The following DSG2 variants were observed in gnomAD, a reference collection of about 807,000 sequenced individuals.
The protein encoded by DSG2 is desmoglein-2.
DSG2 carries 45 observed loss-of-function variants against 75.6 expected under a neutral mutation model. That is an observed-to-expected ratio of 0.60 (90% CI 0.47 to 0.76). DSG2 has a LOEUF of 0.76. DSG2 is among the 30% of genes least tolerant of loss of function. DSG2 has a pLI of 0.00. For synonymous variants in DSG2, 429 were observed against 483.9 expected (o/e 0.89, Z 1.49); for missense variants, 1,267 against 1,357.4 (o/e 0.93, Z 1.05).
chr18:31,500,843 A>G (rs1400577780), intron 1 of DSG2, among the ~76,000 whole-genome samples: 1 of 152,232 alleles, frequency 6.6e-6, no homozygotes, highest in Admixed American at 6.5e-5. Flanking sequence ...CAAATGGTTC[A>G]CAGATAGAAT....
intron 14 of DSG2, among the ~76,000 whole-genome samples, chr18:31,544,317 A>T (rs2073290147): frequency 6.6e-6 from 1 of 152,196 alleles, no homozygotes; most frequent in Admixed American, 6.5e-5. Flanking sequence ...AAAAAAAATT[A>T]AAACCAGAGA....
chr18:31,518,129 A>G, intron 1 of DSG2, 110 bp from the exon 2 acceptor site: 2 of 898,788 alleles, frequency 2.2e-6, no homozygotes, highest in Non-Finnish European at 3.6e-6. Context: ...AGTAGTGGTT[A>G]AACTTTTTTT....
Position 31,546,239 on chromosome 18 carries a change from G to A in DSG2, c.2853G>A (p.Val951=), listed in dbSNP as rs775759794. 5.3e-5 allele frequency: 86 copies of A among 1,608,918 alleles called. No homozygotes were observed. The highest frequency in any genetic ancestry group is 1.1e-4 in the South Asian group (10 of 90,384). ...GGTCCACTATGCCACCAACCACTGTGATCCTGGGTCCTAGCCAGCCACAGA... is the reference window on the plus strand; with the variant it reads ...GGTCCACTATGCCACCAACCACTGTAATCCTGGGTCCTAGCCAGCCACAGA... ...VTGSTMPPTT[V]ILGPSQPQSL... The change falls in exon 15 of 15, where the codon GTG becomes GTA. Residue 951 remains valine, a synonymous_variant. Coordinates refer to ENST00000261590, the MANE Select transcript of DSG2 (RefSeq NM_001943.5).
chr18:31,536,091 G>C (rs1598819499), intron 10 of DSG2, 111 bp from the exon 11 acceptor site: 7 of 940,678 alleles, frequency 7.4e-6, no homozygotes, highest in Non-Finnish European at 1.2e-5. Context: ...GATAGAAAAT[G>C]TCCTAAGTGG....
intron 8 of DSG2, among the ~76,000 whole-genome samples, chr18:31,527,075 T>C (rs1041843093): frequency 1.3e-5 from 2 of 152,222 alleles, no homozygotes; most frequent in African/African-American, 4.8e-5. Flanking sequence ...ACTTTCAGTC[T>C]TGCAAGCACC....
At chr18:31,510,477 G>C (rs2073060716) in intron 1 of DSG2, among the ~76,000 whole-genome samples, 1 of 151,994 alleles carries the variant, frequency 6.6e-6, no homozygotes, top group South Asian at 2.1e-4. Flanking sequence ...CTGGATTCTT[G>C]TTTAAACTCA....
intron 8 of DSG2, among the ~76,000 whole-genome samples, chr18:31,529,272 G>T (rs1377757277): frequency 6.6e-6 from 1 of 152,072 alleles, no homozygotes; most frequent in Non-Finnish European, 1.5e-5. Context: ...GAGCATTATG[G>T]CTATTTATGA....
intron 6 of DSG2, among the ~76,000 whole-genome samples, chr18:31,523,736 C>G (rs1433717534): frequency 6.6e-6 from 1 of 152,172 alleles, no homozygotes; most frequent in Non-Finnish European, 1.5e-5. Flanking sequence ...CACTTATTAT[C>G]CTCATCTTAC....
In DSG2 at chr18:31,522,145, A is replaced by T. The variant is rs1422826393; in HGVS notation, c.586A>T (p.Ile196Phe). 6.2e-7 allele frequency: 1 copy of T among 1,613,786 alleles called. No homozygotes were observed. Among genetic ancestry groups the T allele is most frequent in the African/African-American group, 1.3e-5 (1 of 74,922 alleles). Reference protein sequence around the residue: ...ADEPNTLNSKISYRIVSLEPA... With the variant: ...ADEPNTLNSKFSYRIVSLEPA... ...TGAGCCCAATACCCTGAATTCGAAA[A>T]TTTCCTATAGAATCGTATCTCTGGA... Residue 196 changes from isoleucine (I) to phenylalanine (F), a missense_variant, in exon 6 of 15, where the codon ATT (isoleucine) becomes TTT (phenylalanine). Physicochemically the swap from Ile to Phe is conservative, Grantham distance 21. Coordinates refer to ENST00000261590, the MANE Select transcript of DSG2 (RefSeq NM_001943.5).
intron 14 of DSG2, 96 bp downstream of exon 14, chr18:31,542,948 T>A: frequency 2.0e-6 from 2 of 1,010,300 alleles, no homozygotes; most frequent in Non-Finnish European, 2.7e-6. Flanking sequence ...TGGATCCAAA[T>A]GAGACTTTGG....
chr18:31,512,356 A>G lies in DSG2; in HGVS notation c.46-5883A>G, dbSNP rs145947926. 1.6e-3 allele frequency among the ~76,000 whole-genome samples: 246 copies of G among 152,322 alleles called. 2 individuals carry two copies. The Middle Eastern group carries it at 0.027, about 17-fold the overall frequency. On this transcript the variant is annotated intron_variant, in intron 1 of 14. Transcript: ENST00000261590. ...CAGGTCTCTGTTGCCTCTGCCTTCA[A>G]AATAAACACTGGAGATATCTACTTT...
chr18:31,544,170 A>C (rs371590413), intron 14 of DSG2, among the ~76,000 whole-genome samples: 30 of 152,320 alleles, frequency 2.0e-4, no homozygotes, highest in Admixed American at 1.2e-3. Context: ...AACCAAATGG[A>C]TCTAGTTGAT....
chr18:31,545,634 C>G lies in DSG2; in HGVS notation c.2335-87C>G, dbSNP rs2073299232. ...TAAATTCACATTACTGCATTTTGAACAGGAATATAGAGTCTTGTTTTAAAA... is the reference window on the plus strand; with the variant it reads ...TAAATTCACATTACTGCATTTTGAAGAGGAATATAGAGTCTTGTTTTAAAA... On this transcript the variant is annotated intron_variant, in intron 14 of 14. Coordinates refer to ENST00000261590, the MANE Select transcript of DSG2 (RefSeq NM_001943.5). The G allele has an allele frequency of 2.1e-6, 3 of 1,460,140 alleles. No homozygotes were observed. The Admixed American group carries it at 5.6e-5, about 27-fold the overall frequency. The allele number at this position is 1,460,140 out of a possible 1,614,324, so 90.4% of individuals were successfully genotyped here. A position where few individuals can be genotyped will look rare whatever the true frequency, so the allele number is the denominator to read the frequency against.
Position 31,522,210 on chromosome 18 carries a change from A to T in DSG2, c.651A>T (p.Thr217=), listed in dbSNP as rs2073132804. The T allele has an allele frequency of 6.2e-7, 1 of 1,613,748 alleles. No individual in the cohort carries two copies. Among genetic ancestry groups the T allele is most frequent in the African/African-American group, 1.3e-5 (1 of 74,934 alleles). The stretch of plus-strand genomic sequence containing the variant: ...CAGTGTTCTACCTAAATAAAGATAC[A>T]GGAGAGATTTATACAACCAGTGTTA... ...YPPVFYLNKD[T]GEIYTTSVTL... The change falls in exon 6 of 15, where the codon ACA becomes ACT. Residue 217 remains threonine (T), a synonymous_variant. Transcript: ENST00000261590.
rs186256885 is a variant in DSG2, at chr18:31,534,815, G to A, written c.1281-455G>A. Reference sequence around the variant, plus strand: ...GTGAGCCACCGCACCTGGCCCCTGCGATCATTGATTTTTAAAGTTGATGTT... The same window carrying A: ...GTGAGCCACCGCACCTGGCCCCTGCAATCATTGATTTTTAAAGTTGATGTT... On this transcript the variant is annotated intron_variant, in intron 9 of 14. Coordinates refer to ENST00000261590, the MANE Select transcript of DSG2 (RefSeq NM_001943.5). Among the ~76,000 whole-genome samples the A allele has an allele frequency of 9.2e-5, 14 of 152,146 alleles. No homozygotes were observed. The East Asian group carries it at 2.3e-3, about 25-fold the overall frequency.
chr18:31,536,307 C>T lies in DSG2; in HGVS notation c.1529C>T (p.Ala510Val). 1.2e-6 allele frequency: 2 copies of T among 1,614,176 alleles called. No individual in the cohort carries two copies. Among genetic ancestry groups the T allele is most frequent in the Non-Finnish European group, 1.7e-6 (2 of 1,180,028 alleles). ...IEPVQTICHD[A>V]EYVNVTAEDL... ...CCTGTGCAGACAATCTGTCACGATG[C>T]AGAGTATGTGAATGTTACTGCAGAG... The change falls in exon 11 of 15, where the codon GCA becomes GTA. Residue 510 changes from alanine (A) to valine (V), a missense_variant. By Grantham distance (64) the Ala-to-Val change is moderately conservative. Coordinates refer to ENST00000261590, the MANE Select transcript of DSG2 (RefSeq NM_001943.5).
chr18:31,522,950 G>A (rs114014907), intron 6 of DSG2, among the ~76,000 whole-genome samples: 367 of 152,304 alleles, frequency 2.4e-3, no homozygotes, highest in African/African-American at 8.4e-3. Flanking sequence ...AACTGAAAGG[G>A]AAATTTTTAA....
intron 9 of DSG2, among the ~76,000 whole-genome samples, chr18:31,532,449 A>G (rs973518023): frequency 3.3e-5 from 5 of 152,246 alleles, no homozygotes; most frequent in Admixed American, 3.3e-4. Flanking sequence ...CATGAAAATC[A>G]TAGCAGTCCC....
chr18:31,542,588 G>A lies in DSG2; in HGVS notation c.2070G>A (p.Met690Ile), dbSNP rs1408480908. 1.2e-6 allele frequency: 2 copies of A among 1,614,006 alleles called. No individual in the cohort carries two copies. Among genetic ancestry groups the A allele is most frequent in the Non-Finnish European group, 1.7e-6 (2 of 1,180,040 alleles). ...TAGGAAGAAATGGAGTAGGAGGTAT[G>A]GCCAAGGAAGCCACGATGAAAGGAA... Reference protein sequence around the residue: ...SLVGRNGVGGMAKEATMKGSS... With the variant: ...SLVGRNGVGGIAKEATMKGSS... Residue 690 changes from methionine to isoleucine, a missense_variant, in exon 14 of 15, where the codon ATG becomes ATA. Transcript: ENST00000261590.
Sources: gnomAD v4.1 joint callset for allele counts (sites outside exome capture counted in the v4.1 genomes callset) on GRCh38, gnomAD v4.1.1 for gene constraint, MANE v1.5 for transcripts, NCBI Gene and HGNC (gene_info 2026-07-23, HGNC 2026-07-21) for gene names.